FAM78B: variants seen among roughly 807,000 people sequenced by gnomAD.
FAM78B encodes protein FAM78B.
In FAM78B, 10 loss-of-function variants were observed where a neutral mutation model predicts 20.0. The observed-to-expected ratio is 0.50, with a 90% CI of 0.31 to 0.85. FAM78B has a LOEUF of 0.85. Among genes scored for constraint, FAM78B ranks in the 40% least tolerant of loss-of-function variants. FAM78B has a pLI of 0.05. For synonymous variants in FAM78B, 135 were observed against 132.8 expected (o/e 1.02, Z -0.12); for missense variants, 283 against 345.0 (o/e 0.82, Z 1.42).
At chr1:166,164,066 T>A (rs921076415) in intron 1 of FAM78B, among the ~76,000 whole-genome samples, 30 of 152,256 alleles carry the variant, frequency 2.0e-4, no homozygotes, top group African/African-American at 7.2e-4. Flanking sequence ...TGTTTATATC[T>A]CAACTTGACT....
At chr1:166,149,355 G>T (rs568944698) in intron 1 of FAM78B, among the ~76,000 whole-genome samples, 12 of 152,324 alleles carry the variant, frequency 7.9e-5, no homozygotes, top group African/African-American at 2.6e-4. Context: ...TTAGCTTTTT[G>T]TATGAGCTTG....
intron 1 of FAM78B, among the ~76,000 whole-genome samples, chr1:166,080,743 G>A (rs958854712): frequency 1.3e-5 from 2 of 152,246 alleles, no homozygotes; most frequent in South Asian, 4.1e-4. Flanking sequence ...TCCCAGTCAC[G>A]TGAGTCTCAT....
chr1:166,058,671 T>G (rs1474433151), exon 3 of FAM78B: 2 of 152,280 alleles, frequency 1.3e-5, no homozygotes, highest in East Asian at 1.9e-4. Context: ...ACTGTTTTCA[T>G]GTAGAATGTA....
chr1:166,152,655 G>GATTGATTTATTTATTTATTT (rs369101683), intron 1 of FAM78B, among the ~76,000 whole-genome samples: 22 of 140,586 alleles, frequency 1.6e-4, no homozygotes, highest in African/African-American at 6.1e-4. Context: ...TGGTACTCTG[G>GATTGATTTATTTATTTATTT]ATTTATTTAT....
chr1:166,075,761 A>G (rs553825735), intron 1 of FAM78B, among the ~76,000 whole-genome samples: 1 of 151,974 alleles, frequency 6.6e-6, no homozygotes, highest in African/African-American at 2.4e-5. Context: ...TCTCTTTTCT[A>G]TCTATTTGCA....
intron 1 of FAM78B, among the ~76,000 whole-genome samples, chr1:166,100,943 A>G (rs1653487894): frequency 6.6e-6 from 1 of 152,242 alleles, no homozygotes; most frequent in Admixed American, 6.5e-5. Context: ...AGGCACCCCC[A>G]GTAGGGGCAA....
intron 1 of FAM78B, among the ~76,000 whole-genome samples, chr1:166,103,890 G>A (rs1208764566): frequency 1.3e-5 from 2 of 152,132 alleles, no homozygotes; most frequent in African/African-American, 4.8e-5. Flanking sequence ...GCCTGGCAGA[G>A]ACACAAAAAT....
intron 1 of FAM78B, among the ~76,000 whole-genome samples, chr1:166,159,339 CCT>C (rs1371002463): frequency 6.6e-6 from 1 of 152,082 alleles, no homozygotes; most frequent in Non-Finnish European, 1.5e-5. Flanking sequence ...TACCCAACCC[CCT>C]GAGACTCAGT....
chr1:166,120,221 T>A (rs192371874), intron 1 of FAM78B, among the ~76,000 whole-genome samples: 59 of 152,354 alleles, frequency 3.9e-4, no homozygotes, highest in Non-Finnish European at 7.2e-4. Flanking sequence ...AAGGTCAGCA[T>A]TATTTTCCTC....
intron 1 of FAM78B, among the ~76,000 whole-genome samples, chr1:166,084,237 A>ACACT (rs771421402): frequency 0.018 from 2,209 of 125,396 alleles, 29 homozygotes; most frequent in East Asian, 0.039. Context: ...ACACACACAC[A>ACACT]CTCTCTCTCT....
rs1653762110 is a variant in FAM78B at position 166,105,967 on chromosome 1, CAAT to C, written c.264-35207_264-35205del. On this transcript the variant is annotated intron_variant, in intron 1 of 1. Transcript: ENST00000354422. ...ACTTGGAACCAAGCCAAATGTCCAACAATGATAGACTGGATTAACAAAATGTGG... is the reference window on the plus strand; with the variant it reads ...ACTTGGAACCAAGCCAAATGTCCAACGATAGACTGGATTAACAAAATGTGG... 2.6e-5 allele frequency among the ~76,000 whole-genome samples: 4 copies of C among 151,804 alleles called. No individual in the cohort carries two copies. The South Asian group carries it at 8.3e-4, about 32-fold the overall frequency.
intron 1 of FAM78B, among the ~76,000 whole-genome samples, chr1:166,124,289 A>C (rs1654565748): frequency 6.6e-6 from 1 of 152,132 alleles, no homozygotes; most frequent in Non-Finnish European, 1.5e-5. Context: ...GAGCTCTTAG[A>C]CTAGATTGCT....
intron 1 of FAM78B, among the ~76,000 whole-genome samples, chr1:166,074,650 A>G (rs1288130706): frequency 6.6e-6 from 1 of 152,202 alleles, no homozygotes; most frequent in Non-Finnish European, 1.5e-5. Flanking sequence ...TACTTTATAT[A>G]TTTACTCACC....
intron 1 of FAM78B, among the ~76,000 whole-genome samples, chr1:166,099,339 T>A (rs1331154056): frequency 2.0e-5 from 3 of 151,946 alleles, no homozygotes; most frequent in Non-Finnish European, 4.4e-5. Context: ...AAATACAAGT[T>A]AAAAAGCAAA....
intron 1 of FAM78B, among the ~76,000 whole-genome samples, chr1:166,099,223 C>T (rs1653405667): frequency 6.6e-6 from 1 of 152,164 alleles, no homozygotes; most frequent in South Asian, 2.1e-4. Context: ...AGCAAACCAC[C>T]ACTGTAAGAA....
chr1:166,109,842 A>ATGTATGTG lies in FAM78B; in HGVS notation c.264-39080_264-39079insCACATACA, dbSNP rs1358989273. On this transcript the variant is annotated intron_variant, in intron 1 of 1. Transcript: ENST00000354422. ...TATATATATATATATGTATATATGT[A>ATGTATGTG]TATATATATATATATATATGTATGT... Among the ~76,000 whole-genome samples the ATGTATGTG allele has an allele frequency of 2.3e-4, 6 of 25,834 alleles. 1 individual carries two copies. Among genetic ancestry groups the ATGTATGTG allele is most frequent in the Admixed American group, 5.4e-4 (1 of 1,854 alleles). 16.9% of individuals were successfully genotyped at this position (25,834 alleles called of 152,430 possible). A position where few individuals can be genotyped will look rare whatever the true frequency, so the allele number is the denominator to read the frequency against.
intron 1 of FAM78B, among the ~76,000 whole-genome samples, chr1:166,146,830 G>A (rs1306210172): frequency 6.6e-6 from 1 of 152,190 alleles, no homozygotes; most frequent in Non-Finnish European, 1.5e-5. Flanking sequence ...TGTGCTGGCA[G>A]GAGTTATCCT....
intron 1 of FAM78B, among the ~76,000 whole-genome samples, chr1:166,123,090 G>A (rs1347399498): frequency 2.0e-5 from 3 of 152,230 alleles, no homozygotes; most frequent in Admixed American, 6.5e-5. Flanking sequence ...CAGAGCAGCA[G>A]GGGGTAGATC....
intron 1 of FAM78B, among the ~76,000 whole-genome samples, chr1:166,115,050 T>C (rs1299064562): frequency 1.3e-5 from 2 of 152,162 alleles, no homozygotes; most frequent in African/African-American, 4.8e-5. Flanking sequence ...CCTCTCAAGA[T>C]GTGACAGAAA....
Sources: gnomAD v4.1 joint callset for allele counts (sites outside exome capture counted in the v4.1 genomes callset) on GRCh38, gnomAD v4.1.1 for gene constraint, MANE v1.5 for transcripts, NCBI Gene and HGNC (gene_info 2026-07-23, HGNC 2026-07-21) for gene names.